Variants in CNTNAP2 observed in about 807,000 individuals in gnomAD.
The protein encoded by CNTNAP2 is contactin-associated protein-like 2.
In CNTNAP2, 98 loss-of-function variants were observed where a neutral mutation model predicts 155.2. That is an observed-to-expected ratio of 0.63 (90% CI 0.54 to 0.75). The LOEUF is 0.75. Ranked by LOEUF, CNTNAP2 falls within the 30% of genes least tolerant of loss-of-function variation. CNTNAP2 has a pLI of 0.00. For synonymous variants in CNTNAP2, 651 were observed against 631.2 expected (o/e 1.03, Z -0.47); for missense variants, 1,727 against 1,688.1 (o/e 1.02, Z -0.40).
intron 10 of CNTNAP2, among the ~76,000 whole-genome samples, chr7:147,461,364 T>C (rs1384821813): frequency 2.0e-5 from 3 of 152,166 alleles, no homozygotes; most frequent in Non-Finnish European, 2.9e-5. Flanking sequence ...GCTGTAATAA[T>C]TTGAAGAGAA....
chr7:146,892,712 G>A (rs1486279307), intron 3 of CNTNAP2, among the ~76,000 whole-genome samples: 2 of 152,184 alleles, frequency 1.3e-5, no homozygotes, highest in African/African-American at 4.8e-5. Flanking sequence ...GGAGGCAGAG[G>A]TTGCAGTGAA....
intron 11 of CNTNAP2, among the ~76,000 whole-genome samples, chr7:147,547,601 GTTT>G (rs750104043): frequency 6.7e-6 from 1 of 148,202 alleles, no homozygotes; most frequent in South Asian, 2.2e-4. Flanking sequence ...TTTTATTTTT[GTTT>G]TTTTGTTTTG....
intron 8 of CNTNAP2, among the ~76,000 whole-genome samples, chr7:147,256,525 A>G (rs1403517430): frequency 6.6e-6 from 1 of 152,214 alleles, no homozygotes; most frequent in Non-Finnish European, 1.5e-5. Flanking sequence ...TTGAGTCCAG[A>G]AAGCAGGCTT....
intron 8 of CNTNAP2, among the ~76,000 whole-genome samples, chr7:147,271,071 G>A (rs1268290786): frequency 6.6e-6 from 1 of 151,980 alleles, no homozygotes; most frequent in Non-Finnish European, 1.5e-5. Flanking sequence ...TTACACTTTG[G>A]GTAACGTTAT....
At chr7:148,329,836 T>C (rs1386333935) in intron 21 of CNTNAP2, among the ~76,000 whole-genome samples, 1 of 152,012 alleles carries the variant, frequency 6.6e-6, no homozygotes, top group Non-Finnish European at 1.5e-5. Flanking sequence ...AGATATCTCT[T>C]CACCCTCGAA....
intron 1 of CNTNAP2, among the ~76,000 whole-genome samples, chr7:146,270,443 TAA>T (rs902933160): frequency 7.2e-5 from 11 of 152,314 alleles, no homozygotes; most frequent in African/African-American, 2.6e-4. Context: ...GCAATTATCT[TAA>T]AGATTTCATA....
chr7:147,602,684 C>T (rs922167042), intron 12 of CNTNAP2, among the ~76,000 whole-genome samples: 5 of 151,588 alleles, frequency 3.3e-5, no homozygotes, highest in African/African-American at 9.7e-5. Context: ...GTTCCCCTTC[C>T]TGTGTCCATG....
chr7:148,339,576 G>T (rs796925128), intron 21 of CNTNAP2: 10 of 152,396 alleles, frequency 6.6e-5, no homozygotes, highest in African/African-American at 2.4e-4. Context: ...CGGCCAGTGG[G>T]AAAGCCACCT....
At chr7:146,355,125 T>C (rs1277240346) in intron 1 of CNTNAP2, among the ~76,000 whole-genome samples, 4 of 152,220 alleles carry the variant, frequency 2.6e-5, no homozygotes, top group Non-Finnish European at 4.4e-5. Flanking sequence ...TTTGTTCCAA[T>C]TGCATACACA....
chr7:146,573,873 G>A (rs971468704), intron 1 of CNTNAP2, among the ~76,000 whole-genome samples: 1 of 152,184 alleles, frequency 6.6e-6, no homozygotes, highest in African/African-American at 2.4e-5. Flanking sequence ...AAATAGGATT[G>A]TTAAGTGGAT....
At chr7:147,462,620 G>A (rs6967344) in intron 10 of CNTNAP2, among the ~76,000 whole-genome samples, 119,027 of 152,204 alleles carry the variant, frequency 0.78, 46,914 homozygotes, top group African/African-American at 0.88. Flanking sequence ...GATGAAAAAG[G>A]CAGTTGTCAT....
intron 1 of CNTNAP2, among the ~76,000 whole-genome samples, chr7:146,344,152 T>A (rs547272928): frequency 8.9e-4 from 136 of 152,308 alleles, no homozygotes; most frequent in African/African-American, 3.2e-3. Context: ...GATTCTTCAC[T>A]ACAATACCAA....
At chr7:147,827,154 A>G (rs534877388) in intron 13 of CNTNAP2, among the ~76,000 whole-genome samples, 1 of 152,270 alleles carries the variant, frequency 6.6e-6, no homozygotes, top group Non-Finnish European at 1.5e-5. Context: ...AAATCTGAAT[A>G]CATAATACAT....
intron 17 of CNTNAP2, among the ~76,000 whole-genome samples, chr7:148,148,162 T>C (rs950717915): frequency 6.6e-6 from 1 of 152,198 alleles, no homozygotes; most frequent in Non-Finnish European, 1.5e-5. Context: ...AAGCCATTCC[T>C]TTCTTGCCTA....
chr7:146,551,169 G>A (rs1020227330), intron 1 of CNTNAP2, among the ~76,000 whole-genome samples: 1 of 152,046 alleles, frequency 6.6e-6, no homozygotes, highest in Non-Finnish European at 1.5e-5. Flanking sequence ...ACACCATATA[G>A]TACGAACGTC....
intron 18 of CNTNAP2, among the ~76,000 whole-genome samples, chr7:148,203,266 A>G (rs551988395): frequency 6.6e-6 from 1 of 152,302 alleles, no homozygotes; most frequent in African/African-American, 2.4e-5. Flanking sequence ...CATTAATTCA[A>G]ACAGTGTACA....
intron 12 of CNTNAP2, among the ~76,000 whole-genome samples, chr7:147,604,798 A>T (rs2116866715): frequency 6.6e-6 from 1 of 152,332 alleles, no homozygotes; most frequent in African/African-American, 2.4e-5. Context: ...GGAGAGCAAC[A>T]CAGGCAAACT....
chr7:147,833,327 G>C (rs1798585105), intron 13 of CNTNAP2, among the ~76,000 whole-genome samples: 1 of 152,090 alleles, frequency 6.6e-6, no homozygotes, highest in African/African-American at 2.4e-5. Context: ...GCGTGATCTT[G>C]AGCAAGTCAC....
chr7:147,665,473 A>G (rs1795678358), intron 13 of CNTNAP2, among the ~76,000 whole-genome samples: 1 of 152,170 alleles, frequency 6.6e-6, no homozygotes, highest in Non-Finnish European at 1.5e-5. Context: ...TCTTATTTTT[A>G]AACTTCTATT....
Sources: gnomAD v4.1 joint callset for allele counts (sites outside exome capture counted in the v4.1 genomes callset) on GRCh38, gnomAD v4.1.1 for gene constraint, MANE v1.5 for transcripts, NCBI Gene and HGNC (gene_info 2026-07-23, HGNC 2026-07-21) for gene names.